Variants in TENM3 observed in about 807,000 individuals in gnomAD.
The protein encoded by TENM3 is teneurin-3.
A neutral mutation model predicts 255.1 loss-of-function variants in TENM3; 63 were observed. The observed-to-expected ratio is 0.25, with a 90% CI of 0.20 to 0.30. TENM3 has a LOEUF of 0.30. Ranked by LOEUF, TENM3 falls within the 10% of genes least tolerant of loss-of-function variation. TENM3 has a pLI of 1.00. For missense variants in TENM3, 2,929 were observed against 3,461.1 expected (o/e 0.85, Z 3.86); for synonymous variants, 1,306 against 1,322.3 (o/e 0.99, Z 0.27).
the TENM3 span, among the ~76,000 whole-genome samples, chr4:181,714,100 A>T: frequency 6.6e-6 from 1 of 152,196 alleles, no homozygotes; most frequent in African/African-American, 2.4e-5. Flanking sequence ...ACTTTGGGAA[A>T]CACTGAGAAC....
At chr4:182,763,809 G>C (rs1025998167) in intron 22 of TENM3, among the ~76,000 whole-genome samples, 6 of 152,216 alleles carry the variant, frequency 3.9e-5, no homozygotes, top group Non-Finnish European at 7.3e-5. Flanking sequence ...AACCCTCAAG[G>C]AAGGTCAGAA....
rs559821253 is a variant in TENM3, at chr4:182,584,861, C to T, written c.512-16063C>T. The stretch of plus-strand genomic sequence containing the variant: ...TTCTTCATGCTGTTCAGGCCGGTCT[C>T]GATCTCCTGACCTCAGGCAATCCAC... On this transcript the variant is annotated intron_variant, in intron 3 of 27. Coordinates refer to ENST00000511685, the MANE Select transcript of TENM3 (RefSeq NM_001080477.4). Among the ~76,000 whole-genome samples, 7 of 152,120 alleles carry T rather than the reference C, an allele frequency of 4.6e-5. No individual in the cohort carries two copies. The South Asian group carries it at 6.2e-4, about 14-fold the overall frequency.
At chr4:182,278,494 G>A (rs1162219238) in intron 1 of TENM3, among the ~76,000 whole-genome samples, 12 of 152,138 alleles carry the variant, frequency 7.9e-5, no homozygotes, top group Non-Finnish European at 1.8e-4. Flanking sequence ...TGCTGGGGCT[G>A]CTGAGTGCAT....
the TENM3 span, among the ~76,000 whole-genome samples, chr4:181,605,543 A>G: frequency 5.1e-4 from 14 of 27,468 alleles, 2 homozygotes; most frequent in African/African-American, 9.6e-4. Context: ...AGAAAGAAAG[A>G]AAGAAAGAAA....
At chr4:181,762,478 C>T in the TENM3 span, among the ~76,000 whole-genome samples, 1 of 152,098 alleles carries the variant, frequency 6.6e-6, no homozygotes, top group East Asian at 1.9e-4. Flanking sequence ...CACTGTAAGC[C>T]ATGGTTTGAA....
chr4:181,768,695 C>A, the TENM3 span, among the ~76,000 whole-genome samples: 1 of 151,884 alleles, frequency 6.6e-6, no homozygotes, highest in Non-Finnish European at 1.5e-5. Flanking sequence ...CATAAGTATG[C>A]TTTTATTATT....
At chr4:182,077,999 T>C in the TENM3 span, among the ~76,000 whole-genome samples, 1 of 152,060 alleles carries the variant, frequency 6.6e-6, no homozygotes, top group African/African-American at 2.4e-5. Flanking sequence ...CAAAAACTGG[T>C]ATCGTTCCAG....
chr4:181,557,810 C>T, the TENM3 span, among the ~76,000 whole-genome samples: 11,632 of 152,142 alleles, frequency 0.076, 493 homozygotes, highest in East Asian at 0.095. Flanking sequence ...GGATTACAGG[C>T]GTAAGCCACC....
At chr4:181,763,955 C>T in the TENM3 span, among the ~76,000 whole-genome samples, 1 of 152,170 alleles carries the variant, frequency 6.6e-6, no homozygotes, top group Non-Finnish European at 1.5e-5. Context: ...ACTTTCTATA[C>T]AGCCAGTGTT....
At chr4:182,215,399 A>G (rs1755389894) in intron 1 of TENM3, among the ~76,000 whole-genome samples, 1 of 152,216 alleles carries the variant, frequency 6.6e-6, no homozygotes, top group Non-Finnish European at 1.5e-5. Flanking sequence ...TTTAAAAAAC[A>G]TGCAGTAGAG....
the TENM3 span, among the ~76,000 whole-genome samples, chr4:181,788,570 T>C: frequency 6.6e-6 from 1 of 152,110 alleles, no homozygotes; most frequent in Non-Finnish European, 1.5e-5. Flanking sequence ...CTAGGTACAG[T>C]GCGGAAAGTG....
At chr4:182,651,201 A>G (rs1167409429) in intron 5 of TENM3, among the ~76,000 whole-genome samples, 4 of 152,188 alleles carry the variant, frequency 2.6e-5, no homozygotes, top group Non-Finnish European at 5.9e-5. Flanking sequence ...ATTTTACTCT[A>G]TGCAAAACTA....
intron 1 of TENM3, among the ~76,000 whole-genome samples, chr4:182,151,011 A>G (rs1750298689): frequency 6.6e-6 from 1 of 152,072 alleles, no homozygotes; most frequent in Admixed American, 6.6e-5. Context: ...TGCTCAACTA[A>G]TATTGTGACT....
At chr4:181,916,251 T>A in the TENM3 span, among the ~76,000 whole-genome samples, 1 of 152,220 alleles carries the variant, frequency 6.6e-6, no homozygotes, top group Admixed American at 6.5e-5. Flanking sequence ...CCTCTAGTTA[T>A]AACTTCAAGG....
chr4:181,495,316 AG>A, the TENM3 span, among the ~76,000 whole-genome samples: 1 of 152,170 alleles, frequency 6.6e-6, no homozygotes, highest in Non-Finnish European at 1.5e-5. Flanking sequence ...CTCAGGCATC[AG>A]GGACAATGCC....
chr4:181,482,011 G>C, the TENM3 span, among the ~76,000 whole-genome samples: 1 of 152,026 alleles, frequency 6.6e-6, no homozygotes, highest in Non-Finnish European at 1.5e-5. Flanking sequence ...ATGAACATCA[G>C]AACAATTAGG....
At chr4:181,601,843 A>G in the TENM3 span, among the ~76,000 whole-genome samples, 1 of 152,090 alleles carries the variant, frequency 6.6e-6, no homozygotes, top group Non-Finnish European at 1.5e-5. Context: ...TATGAATTTC[A>G]GGGGTAGGGG....
At chr4:181,859,362 C>T in the TENM3 span, among the ~76,000 whole-genome samples, 4 of 151,700 alleles carry the variant, frequency 2.6e-5, no homozygotes, top group Middle Eastern at 3.2e-3. Flanking sequence ...AAAATAGTCC[C>T]TTTCTAGAAA....
chr4:181,476,214 T>TTTTG, the TENM3 span, among the ~76,000 whole-genome samples: 12 of 137,154 alleles, frequency 8.7e-5, no homozygotes, highest in East Asian at 6.5e-4. Context: ...GGGTTTTTTT[T>TTTTG]TTTTTTTTTT....
Sources: gnomAD v4.1 joint callset for allele counts (sites outside exome capture counted in the v4.1 genomes callset) on GRCh38, gnomAD v4.1.1 for gene constraint, MANE v1.5 for transcripts, NCBI Gene and HGNC (gene_info 2026-07-23, HGNC 2026-07-21) for gene names.